Variants in EYS observed in about 807,000 individuals in gnomAD.
EYS encodes the protein EGF-like photoreceptor maintenance factor.
A neutral mutation model predicts 282.1 loss-of-function variants in EYS; 250 were observed. The observed-to-expected ratio is 0.89, with a 90% CI of 0.80 to 0.98. The LOEUF is 0.98. Among genes scored for constraint, EYS ranks in the 50% least tolerant of loss-of-function variants. The pLI is 0.00. For missense variants in EYS, 4,016 were observed against 3,709.0 expected (o/e 1.08, Z -2.15); for synonymous variants, 1,355 against 1,282.9 (o/e 1.06, Z -1.20).
chr6:65,474,237 G>C (rs1765319829), intron 5 of EYS, among the ~76,000 whole-genome samples: 1 of 152,060 alleles, frequency 6.6e-6, no homozygotes, highest in Admixed American at 6.6e-5. Context: ...TGTTAGCTTA[G>C]AGAAAGTAAT....
intron 26 of EYS, among the ~76,000 whole-genome samples, chr6:64,471,412 A>G (rs904922697): frequency 6.6e-6 from 1 of 152,222 alleles, no homozygotes; most frequent in Admixed American, 6.5e-5. Context: ...CACAAAATCA[A>G]TATACAAAAA....
chr6:64,809,097 G>T (rs994503357), intron 22 of EYS, among the ~76,000 whole-genome samples: 1 of 152,026 alleles, frequency 6.6e-6, no homozygotes, highest in Non-Finnish European at 1.5e-5. Flanking sequence ...TAAAGACACA[G>T]AAATAATTCA....
At chr6:64,836,787 T>G (rs1413802856) in intron 19 of EYS, among the ~76,000 whole-genome samples, 1 of 151,584 alleles carries the variant, frequency 6.6e-6, no homozygotes, top group East Asian at 1.9e-4. Context: ...TCTCTTCAAA[T>G]GTGATAAAAG....
At chr6:65,103,697 G>C (rs2150184639) in intron 12 of EYS, among the ~76,000 whole-genome samples, 1 of 151,554 alleles carries the variant, frequency 6.6e-6, no homozygotes, top group Admixed American at 6.6e-5. Context: ...TATCCCATTA[G>C]ATCTTTTTTC....
At chr6:64,645,193 C>A (rs1320168915) in intron 22 of EYS, among the ~76,000 whole-genome samples, 2 of 152,134 alleles carry the variant, frequency 1.3e-5, no homozygotes, top group Non-Finnish European at 1.5e-5. Flanking sequence ...GAACACTAAG[C>A]AATTGGGAGA....
chr6:63,811,978 CCAAACTATAATATTTGCTTCTTA>C (rs1771058960), intron 36 of EYS, among the ~76,000 whole-genome samples: 1 of 152,094 alleles, frequency 6.6e-6, no homozygotes, highest in African/African-American at 2.4e-5. Flanking sequence ...TCTTTGTAGC[CCAAACTATAATATTTGCTTCTTA>C]GCTGGTCTCC....
intron 12 of EYS, among the ~76,000 whole-genome samples, chr6:65,103,212 C>A (rs909230273): frequency 1.3e-5 from 2 of 151,368 alleles, no homozygotes; most frequent in African/African-American, 4.8e-5. Flanking sequence ...GAATCATTAA[C>A]CTATGAGTTT....
In EYS at chr6:64,129,114, C is replaced by T. The variant is rs567779739; in HGVS notation, c.6425-47112G>A. ...TATAGATGTTTTGCACTACACAGCA[C>T]AGTTGAGTAGTTGGAACAGAGGTTG... On this transcript the variant is annotated intron_variant, in intron 31 of 42. Coordinates refer to ENST00000503581, the MANE Select transcript of EYS (RefSeq NM_001142800.2). 2.6e-5 allele frequency among the ~76,000 whole-genome samples: 4 copies of T among 152,290 alleles called. No individual in the cohort carries two copies. The South Asian group carries it at 8.3e-4, about 32-fold the overall frequency.
intron 1 of EYS, among the ~76,000 whole-genome samples, chr6:65,685,716 T>C (rs1027119003): frequency 3.3e-5 from 5 of 152,030 alleles, no homozygotes; most frequent in African/African-American, 1.2e-4. Flanking sequence ...TTTCCATGCA[T>C]ATGTGAGAGA....
chr6:65,688,433 C>T (rs1399345154), intron 1 of EYS, among the ~76,000 whole-genome samples: 1 of 152,068 alleles, frequency 6.6e-6, no homozygotes, highest in Non-Finnish European at 1.5e-5. Context: ...AAAATTAATT[C>T]AAGATGGATT....
At chr6:65,129,224 G>T (rs1052344207) in intron 12 of EYS, among the ~76,000 whole-genome samples, 13 of 151,918 alleles carry the variant, frequency 8.6e-5, no homozygotes, top group African/African-American at 2.2e-4. Context: ...ATCCTAGAAA[G>T]AAACCTAGGA....
intron 18 of EYS, among the ~76,000 whole-genome samples, chr6:64,887,493 GTATACT>G (rs1767135099): frequency 6.6e-6 from 1 of 151,988 alleles, no homozygotes; most frequent in Non-Finnish European, 1.5e-5. Context: ...GATCGAAACT[GTATACT>G]TAGCAAAAAT....
intron 19 of EYS, among the ~76,000 whole-genome samples, chr6:64,842,822 A>G (rs191253226): frequency 1.1e-3 from 168 of 152,124 alleles, no homozygotes; most frequent in Middle Eastern, 0.01. Flanking sequence ...TGTTAAAAGC[A>G]CTCTGTTTTA....
chr6:65,296,264 T>C, intron 11 of EYS, 145 bp from the exon 12 acceptor site: 1 of 904,520 alleles, frequency 1.1e-6, no homozygotes, highest in East Asian at 2.9e-5. Context: ...AATATTTTCA[T>C]AAAGTGTCCA....
chr6:63,999,279 G>A (rs1582105323), intron 33 of EYS, 96 bp from the exon 34 acceptor site: 1 of 776,282 alleles, frequency 1.3e-6, no homozygotes, highest in African/African-American at 1.7e-5. Flanking sequence ...CATTGAGAGA[G>A]GTACTTTCTG....
intron 1 of EYS, among the ~76,000 whole-genome samples, chr6:65,692,340 T>G (rs1258774200): frequency 6.7e-6 from 1 of 149,794 alleles, no homozygotes; most frequent in East Asian, 2.3e-4. Context: ...ACTGAAGGAG[T>G]GAACTTCACC....
At chr6:63,765,326 G>C (rs16894553) in intron 40 of EYS, among the ~76,000 whole-genome samples, 3,372 of 151,806 alleles carry the variant, frequency 0.022, 118 homozygotes, top group African/African-American at 0.075. Context: ...TTCTAAAATG[G>C]GTATTATGGT....
chr6:65,335,262 G>C (rs1769945096), intron 10 of EYS, 116 bp from the exon 11 acceptor site: 2 of 782,816 alleles, frequency 2.6e-6, no homozygotes, highest in East Asian at 2.6e-5. Flanking sequence ...TGAAACCTAG[G>C]GTTAAGGAAA....
chr6:65,669,491 T>C (rs1425326815), intron 1 of EYS, among the ~76,000 whole-genome samples: 2 of 151,946 alleles, frequency 1.3e-5, no homozygotes, highest in Non-Finnish European at 2.9e-5. Context: ...CAGAGAAAAA[T>C]AATACCAATT....
Sources: allele counts gnomAD v4.1 joint callset (sites outside exome capture counted in the v4.1 genomes callset), GRCh38; gene constraint gnomAD v4.1.1; transcripts MANE v1.5; gene names NCBI Gene and HGNC (gene_info 2026-07-23, HGNC 2026-07-21).